The following SYNRG variants were observed in gnomAD, a reference collection of about 807,000 sequenced individuals.
SYNRG encodes the protein synergin gamma.
Under a neutral mutation model 130.9 loss-of-function variants are expected in SYNRG, and 37 were observed. The observed-to-expected ratio is 0.28, with a 90% CI of 0.22 to 0.37. The LOEUF is 0.37. Ranked by LOEUF, SYNRG falls within the 10% of genes least tolerant of loss-of-function variation. The pLI is 1.00. For missense variants in SYNRG, 1,338 were observed against 1,588.9 expected (o/e 0.84, Z 2.68); for synonymous variants, 539 against 568.1 (o/e 0.95, Z 0.73).
At chr17:37,575,797 C>A (rs1408856332) in intron 8 of SYNRG, among the ~76,000 whole-genome samples, 1 of 149,562 alleles carries the variant, frequency 6.7e-6, no homozygotes, top group East Asian at 2.0e-4. Context: ...GAGCCAAGAT[C>A]CTGCCACTGA....
intron 3 of SYNRG, among the ~76,000 whole-genome samples, chr17:37,595,914 C>T (rs781053599): frequency 3.9e-5 from 6 of 152,002 alleles, no homozygotes; most frequent in Non-Finnish European, 5.9e-5. Flanking sequence ...GCCACCACGC[C>T]CAGGTAATTT....
chr17:37,585,268 G>A (rs565975840), intron 5 of SYNRG, 57 bp downstream of exon 5: 1 of 1,360,614 alleles, frequency 7.3e-7, no homozygotes, highest in Admixed American at 2.0e-5. Context: ...CAATGAGTGG[G>A]AAGAGGCACA....
chr17:37,533,589 T>C (rs2144506373), intron 19 of SYNRG, among the ~76,000 whole-genome samples: 1 of 135,970 alleles, frequency 7.4e-6, no homozygotes, highest in African/African-American at 2.9e-5. Flanking sequence ...TTTCTTTTTC[T>C]TTTTTTTTTT....
intron 21 of SYNRG, among the ~76,000 whole-genome samples, chr17:37,519,640 G>C (rs1438274256): frequency 6.6e-6 from 1 of 151,618 alleles, no homozygotes; most frequent in Non-Finnish European, 1.5e-5. Context: ...AACAGGTATG[G>C]AGTTAAAAAA....
At chr17:37,576,243 C>A (rs1468972288) in intron 8 of SYNRG, 98 bp downstream of exon 8, 2 of 1,179,978 alleles carry the variant, frequency 1.7e-6, no homozygotes, top group Non-Finnish European at 2.4e-6. Context: ...ACTCCTCCTG[C>A]ATTTTTTGTA....
chr17:37,597,120 C>A (rs182167029), intron 2 of SYNRG, among the ~76,000 whole-genome samples: 2 of 152,158 alleles, frequency 1.3e-5, no homozygotes, highest in Admixed American at 1.3e-4. Flanking sequence ...GCCACTGCCA[C>A]GTCATGAAAT....
Position 37,577,382 on chromosome 17 carries a change from C to T in SYNRG, c.821G>A (p.Ser274Asn), listed in dbSNP as rs2060922530. ...TSDQNLSIEESGVGVFPSQDP... is the reference protein window; with the variant it reads ...TSDQNLSIEENGVGVFPSQDP... ...TGCTGAATGCTTCACGAGCTCACCA[C>T]TCTCTTCAATTGACAGGTTTTGATC... Residue 274 changes from serine (S) to asparagine (N), a missense_variant and splice_region_variant, in exon 7 of 22, where the codon AGT (serine) becomes AAT (asparagine). Ser to Asn is a conservative substitution (Grantham distance 46, BLOSUM62 1). Transcript: ENST00000612223. 6.2e-7 allele frequency: 1 copy of T among 1,613,938 alleles called. No homozygotes were observed. The highest frequency in any genetic ancestry group is 1.3e-5 in the African/African-American group (1 of 74,926).
At chr17:37,526,000 G>A (rs1293871165) in intron 19 of SYNRG, among the ~76,000 whole-genome samples, 3 of 152,144 alleles carry the variant, frequency 2.0e-5, no homozygotes, top group Non-Finnish European at 4.4e-5. Flanking sequence ...GGACGTGGTG[G>A]CGGGTGCCTG....
intron 13 of SYNRG, among the ~76,000 whole-genome samples, chr17:37,559,085 A>T (rs1568383744): frequency 1.3e-5 from 2 of 152,226 alleles, no homozygotes; most frequent in African/African-American, 4.8e-5. Context: ...CTAAGAAGGT[A>T]TATTTCTGTA....
In SYNRG at chr17:37,585,322, T is replaced by A. The variant is rs766017121; in HGVS notation, c.477+3A>T. On this transcript the variant is annotated splice_donor_region_variant and intron_variant, in intron 5 of 21. Coordinates refer to ENST00000612223, the MANE Select transcript of SYNRG (RefSeq NM_007247.6). ...TGGGTGAAGAGAAGTATTGAAATACTACCTTGGGTTTCACACTGCTCAAAA... is the reference window on the plus strand; with the variant it reads ...TGGGTGAAGAGAAGTATTGAAATACAACCTTGGGTTTCACACTGCTCAAAA... 1 of 1,609,782 alleles carries A rather than the reference T, an allele frequency of 6.2e-7. No individual in the cohort carries two copies. Among genetic ancestry groups the A allele is most frequent in the South Asian group, 1.1e-5 (1 of 90,314 alleles).
At chr17:37,569,408 T>TG (rs1159779586) in intron 10 of SYNRG, among the ~76,000 whole-genome samples, 3 of 94,884 alleles carry the variant, frequency 3.2e-5, no homozygotes, top group South Asian at 3.3e-4. Flanking sequence ...AGACTCTGGC[T>TG]GAAAAAAAAA....
intron 3 of SYNRG, 142 bp downstream of exon 3, chr17:37,596,081 A>T: frequency 1.1e-6 from 1 of 937,870 alleles, no homozygotes; most frequent in Non-Finnish European, 1.6e-6. Flanking sequence ...GAGGGTGAAC[A>T]CATCTTCATT....
Position 37,539,348 on chromosome 17 carries a change from C to T in SYNRG, c.3367-103G>A, listed in dbSNP as rs539927290. 496 of 1,211,034 alleles carry T rather than the reference C, an allele frequency of 4.1e-4. 1 individual carries two copies. Among genetic ancestry groups the T allele is most frequent in the Non-Finnish European group, 5.1e-4 (432 of 842,666 alleles). 75.0% of individuals were successfully genotyped at this position (1,211,034 alleles called of 1,614,324 possible). A position where few individuals can be genotyped will look rare whatever the true frequency, so the allele number is the denominator to read the frequency against. The stretch of plus-strand genomic sequence containing the variant: ...GCTTGGAGGACTTTCCTTTTTATTA[C>T]GATCACTCTAGTTCAAGCAGTTTAT... On this transcript the variant is annotated intron_variant, in intron 16 of 21. Transcript: ENST00000612223.
intron 11 of SYNRG, among the ~76,000 whole-genome samples, chr17:37,566,045 G>A (rs1421997708): frequency 9.6e-5 from 14 of 145,970 alleles, no homozygotes; most frequent in Non-Finnish European, 1.8e-4. Context: ...CAGCCGTCCC[G>A]TCCGGGAGGT....
intron 13 of SYNRG, among the ~76,000 whole-genome samples, chr17:37,556,975 G>A (rs550801556): frequency 5.9e-4 from 90 of 152,266 alleles, no homozygotes; most frequent in African/African-American, 2.1e-3. Context: ...CTTTTCCATT[G>A]GAAATGTAAG....
chr17:37,576,666 C>G (rs756361287), intron 7 of SYNRG, among the ~76,000 whole-genome samples: 2 of 152,106 alleles, frequency 1.3e-5, no homozygotes, highest in Non-Finnish European at 2.9e-5. Flanking sequence ...AATCAATACT[C>G]TAAATCATAT....
In SYNRG at chr17:37,539,270, G is replaced by A. The variant is rs1349655794; in HGVS notation, c.3367-25C>T. On this transcript the variant is annotated intron_variant, in intron 16 of 21. Coordinates refer to ENST00000612223, the MANE Select transcript of SYNRG (RefSeq NM_007247.6). ...CCTGTGAATTTGTTAAAAAGAACTG[G>A]GTTAAACACACAAACCTGGAATCTT... 7 of 1,611,554 alleles carry A rather than the reference G, an allele frequency of 4.3e-6. No individual in the cohort carries two copies. The East Asian group carries it at 1.6e-4, about 36-fold the overall frequency.
At chr17:37,607,975 A>AAAAAAAAAAAAAAAAAAAAAG (rs2063944223) in intron 1 of SYNRG, among the ~76,000 whole-genome samples, 1 of 148,544 alleles carries the variant, frequency 6.7e-6, no homozygotes, top group Non-Finnish European at 1.5e-5. Flanking sequence ...AAAAAAAAAA[A>AAAAAAAAAAAAAAAAAAAAAG]AAAAACAAGA....
At chr17:37,590,172 A>C (rs531576103) in intron 3 of SYNRG, among the ~76,000 whole-genome samples, 1 of 149,208 alleles carries the variant, frequency 6.7e-6, no homozygotes, top group Non-Finnish European at 1.5e-5. Context: ...TGTCTCAAAA[A>C]AAAAAAAAAG....
Sources: allele counts gnomAD v4.1 joint callset (sites outside exome capture counted in the v4.1 genomes callset), GRCh38; gene constraint gnomAD v4.1.1; transcripts MANE v1.5; gene names NCBI Gene and HGNC (gene_info 2026-07-23, HGNC 2026-07-21).